AASS: variants seen among roughly 807,000 people sequenced by gnomAD.
AASS encodes the protein aminoadipate-semialdehyde synthase.
In AASS, 86 loss-of-function variants were observed where a neutral mutation model predicts 105.4. The ratio of observed to expected loss-of-function variants is 0.82; its 90% CI spans 0.69 to 0.98. AASS has a LOEUF of 0.98. Among genes scored for constraint, AASS ranks in the 50% least tolerant of loss-of-function variants. The pLI is 0.00. For synonymous variants in AASS, 381 were observed against 394.8 expected (o/e 0.96, Z 0.41); for missense variants, 1,048 against 1,143.2 (o/e 0.92, Z 1.20).
chr7:122,134,211 CA>C (rs1796041405), intron 1 of AASS, among the ~76,000 whole-genome samples: 1 of 152,024 alleles, frequency 6.6e-6, no homozygotes. Context: ...TGACCATTCC[CA>C]AAACAAGTGT....
chr7:122,121,234 TA>T (rs1795428837), intron 4 of AASS, among the ~76,000 whole-genome samples: 1 of 152,182 alleles, frequency 6.6e-6, no homozygotes, highest in Non-Finnish European at 1.5e-5. Context: ...TATCAAGTAA[TA>T]TTATACTACT....
intron 19 of AASS, among the ~76,000 whole-genome samples, chr7:122,083,562 C>T (rs1037013748): frequency 6.6e-6 from 1 of 152,036 alleles, no homozygotes; most frequent in Admixed American, 6.6e-5. Flanking sequence ...TCAGATAAGT[C>T]AAGCAAATAA....
At chr7:122,102,018 A>T (rs932271143) in intron 11 of AASS, among the ~76,000 whole-genome samples, 8 of 151,924 alleles carry the variant, frequency 5.3e-5, no homozygotes, top group Admixed American at 4.6e-4. Context: ...CTTTATAGCT[A>T]TAGTCCTCCC....
chr7:122,119,162 T>C (rs1380313692), intron 4 of AASS, among the ~76,000 whole-genome samples: 3 of 152,162 alleles, frequency 2.0e-5, no homozygotes, highest in Non-Finnish European at 4.4e-5. Flanking sequence ...GACCTCTTCT[T>C]TGTTGAAACG....
chr7:122,077,866 G>A lies in AASS; in HGVS notation c.2634C>T (p.Thr878=), dbSNP rs768298788. Residue 878 remains threonine (T), a synonymous_variant, in exon 23 of 24, where the codon ACC becomes ACT. Coordinates refer to ENST00000417368, the MANE Select transcript of AASS (RefSeq NM_005763.4). The part of the protein sequence containing the change: ...SAMAKTVGLP[T]AMAAKMLLDG... ...CAAGCAACATTTTGGCTGCCATGGC[G>A]GTGGGTAACCCCACGGTTTTAGCCA... 9.9e-6 allele frequency: 16 copies of A among 1,614,044 alleles called. No individual in the cohort carries two copies. The highest frequency in any genetic ancestry group is 3.3e-5 in the Admixed American group (2 of 59,998).
chr7:122,097,575 C>T (rs1293973562), intron 15 of AASS, among the ~76,000 whole-genome samples: 1 of 151,910 alleles, frequency 6.6e-6, no homozygotes. Flanking sequence ...TCTTTGTGTA[C>T]ATATGTACTC....
chr7:122,091,667 A>C (rs760665915), intron 18 of AASS, 36 bp downstream of exon 18: 6 of 1,612,824 alleles, frequency 3.7e-6, no homozygotes. Flanking sequence ...CTGTTATTGC[A>C]GGTTGATATC....
intron 4 of AASS, among the ~76,000 whole-genome samples, chr7:122,124,012 A>AC: frequency 6.6e-6 from 1 of 152,306 alleles, no homozygotes; most frequent in South Asian, 2.1e-4. Flanking sequence ...ATCAGTCACC[A>AC]CATCCTGTGA....
At position 122,098,739 on chromosome 7, in the gene AASS, A is replaced by G; in HGVS notation, c.1528+6T>C. 1 of 1,607,384 alleles carries G rather than the reference A, an allele frequency of 6.2e-7. No individual in the cohort carries two copies. Among genetic ancestry groups the G allele is most frequent in the South Asian group, 1.1e-5 (1 of 90,188 alleles). ...TTTTCTTCTTCAAAAATTAGGGCTT[A>G]TTTACCTACTGTTATTTCTATATTG... is the stretch of plus-strand genomic sequence containing the variant. On this transcript the variant is annotated splice_donor_region_variant and intron_variant, in intron 14 of 23. Coordinates refer to ENST00000417368, the MANE Select transcript of AASS (RefSeq NM_005763.4).
Position 122,076,367 on chromosome 7 carries a change from A to G in AASS, c.*122T>C. ...TAAAGATTTATAGTTCAAAAAGTAC[A>G]TTGTGTTAACCAAAACATATTATGC... On this transcript the variant is annotated 3_prime_UTR_variant, in exon 24 of 24. Transcript: ENST00000417368. The G allele has an allele frequency of 4.0e-6, 3 of 758,360 alleles. No individual in the cohort carries two copies. Among genetic ancestry groups the G allele is most frequent in the Non-Finnish European group, 4.7e-6 (2 of 425,616 alleles). The allele number at this position is 758,360 out of a possible 1,614,324, so 47.0% of individuals were successfully genotyped here.
chr7:122,135,824 A>T (rs1328635509), intron 1 of AASS, among the ~76,000 whole-genome samples: 1 of 152,100 alleles, frequency 6.6e-6, no homozygotes, highest in Non-Finnish European at 1.5e-5. Context: ...TTAAAGTGAC[A>T]CTAGTAAACA....
chr7:122,078,742 T>C, intron 22 of AASS, 120 bp downstream of exon 22: 2 of 916,442 alleles, frequency 2.2e-6, no homozygotes, highest in South Asian at 1.3e-5. Flanking sequence ...ATTGCCCTTT[T>C]CTTCATATCA....
At chr7:122,086,240 C>A (rs2150512006) in intron 18 of AASS, 61 bp from the exon 19 acceptor site, 1 of 1,496,386 alleles carries the variant, frequency 6.7e-7, no homozygotes, top group East Asian at 2.3e-5. Context: ...TAGGGCTTAT[C>A]TGCATTATAC....
At chr7:122,078,631 CTAAA>C (rs1373754249) in intron 22 of AASS, among the ~76,000 whole-genome samples, 4 of 152,026 alleles carry the variant, frequency 2.6e-5, no homozygotes, top group African/African-American at 7.3e-5. Flanking sequence ...AACTAACTAA[CTAAA>C]TAAATAAATA....
chr7:122,108,201 A>C (rs1015449745), intron 11 of AASS, among the ~76,000 whole-genome samples: 1 of 152,110 alleles, frequency 6.6e-6, no homozygotes, highest in African/African-American at 2.4e-5. Flanking sequence ...ATCAAAGACT[A>C]GCCCAGGGCC....
intron 4 of AASS, among the ~76,000 whole-genome samples, chr7:122,124,278 G>T (rs1009231295): frequency 1.3e-5 from 2 of 151,844 alleles, no homozygotes; most frequent in African/African-American, 4.8e-5. Flanking sequence ...TTTGTTTTTT[G>T]TGTGTTTGTT....
rs143442714 is a variant in AASS, at chr7:122,133,735, C to T, written c.-9G>A. 1.4e-5 allele frequency: 22 copies of T among 1,613,544 alleles called. No individual in the cohort carries two copies. In the African/African-American group the frequency reaches 1.7e-4, roughly 13 times the overall value. On this transcript the variant is annotated 5_prime_UTR_variant, in exon 2 of 24. Coordinates refer to ENST00000417368, the MANE Select transcript of AASS (RefSeq NM_005763.4). ...CTATGTACTTGCAGCATCTTGACAC[C>T]TGGTGACTGTAAAGACAATGTAAAG...
chr7:122,080,720 T>G (rs549914180), intron 20 of AASS, among the ~76,000 whole-genome samples: 2 of 152,314 alleles, frequency 1.3e-5, no homozygotes, highest in East Asian at 1.9e-4. Context: ...ATATATCATG[T>G]CCTCCATAAA....
intron 4 of AASS, among the ~76,000 whole-genome samples, chr7:122,124,422 A>C (rs1460636407): frequency 6.6e-6 from 1 of 152,134 alleles, no homozygotes; most frequent in East Asian, 1.9e-4. Context: ...AGCTGGGATT[A>C]CAGGCACCCA....
Sources: allele counts gnomAD v4.1 joint callset (sites outside exome capture counted in the v4.1 genomes callset), GRCh38; gene constraint gnomAD v4.1.1; transcripts MANE v1.5; gene names NCBI Gene and HGNC (gene_info 2026-07-23, HGNC 2026-07-21).